Variants in CHL1 observed in about 807,000 individuals in gnomAD.
CHL1 encodes the protein neural cell adhesion molecule L1-like protein.
CHL1 carries 96 observed loss-of-function variants against 141.9 expected under a neutral mutation model. The observed-to-expected ratio is 0.68, with a 90% CI of 0.57 to 0.80. The LOEUF is 0.80. CHL1 is among the 30% of genes least tolerant of loss of function. The pLI is 0.00. For synonymous variants in CHL1, 613 were observed against 502.2 expected, an observed-to-expected ratio of 1.22 and a Z score of -2.95; for missense variants, 1,820 against 1,457.2, an observed-to-expected ratio of 1.25 and a Z score of -4.05.
chr3:272,935 A>G (rs999951993), intron 2 of CHL1, among the ~76,000 whole-genome samples: 4 of 152,178 alleles, frequency 2.6e-5, no homozygotes, highest in African/African-American at 9.7e-5. Context: ...CAGCAAAATC[A>G]ATGAAGAGAT....
At chr3:325,165 A>C (rs534450496) in intron 3 of CHL1, among the ~76,000 whole-genome samples, 6 of 147,214 alleles carry the variant, frequency 4.1e-5, no homozygotes, top group East Asian at 2.2e-4. Flanking sequence ...TTATTACCCA[A>C]AAAAAAAAAG....
chr3:259,458 C>T (rs931286870), intron 2 of CHL1, among the ~76,000 whole-genome samples: 4 of 152,052 alleles, frequency 2.6e-5, no homozygotes, highest in Non-Finnish European at 5.9e-5. Flanking sequence ...AGCTGAGAAG[C>T]TAGGCATCAA....
chr3:275,197 G>A (rs1305513151), intron 2 of CHL1, among the ~76,000 whole-genome samples: 2 of 152,246 alleles, frequency 1.3e-5, no homozygotes, highest in African/African-American at 4.8e-5. Context: ...CAGCTGCTAA[G>A]TGGTAGGGGT....
At chr3:355,413 G>A (rs1297840621) in intron 11 of CHL1, among the ~76,000 whole-genome samples, 1 of 152,192 alleles carries the variant, frequency 6.6e-6, no homozygotes, top group Non-Finnish European at 1.5e-5. Flanking sequence ...CCAGCACTGA[G>A]GGCCAACTCT....
In CHL1 at chr3:339,151, G is replaced by A. The variant is rs185890810; in HGVS notation, c.386-1643G>A. Among the ~76,000 whole-genome samples, 404 of 152,298 alleles carry A rather than the reference G, an allele frequency of 2.7e-3. 1 individual carries two copies. Among genetic ancestry groups the A allele is most frequent in the African/African-American group, 8.4e-3 (348 of 41,556 alleles). ...AACAGCACCACTGACTTCAATGCCAGTGTTTACTGGGCTTAAGTTACAGCG... is the reference window on the plus strand; with the variant it reads ...AACAGCACCACTGACTTCAATGCCAATGTTTACTGGGCTTAAGTTACAGCG... On this transcript the variant is annotated intron_variant, in intron 5 of 27. Coordinates refer to ENST00000256509, the MANE Select transcript of CHL1 (RefSeq NM_006614.4).
chr3:401,801 C>A (rs1709160954), intron 27 of CHL1, 103 bp downstream of exon 27: 3 of 661,130 alleles, frequency 4.5e-6, no homozygotes, highest in Non-Finnish European at 7.5e-6. Flanking sequence ...TACATAACTA[C>A]AATGTAATGA....
intron 19 of CHL1, among the ~76,000 whole-genome samples, chr3:385,962 C>G (rs1428486975): frequency 6.6e-6 from 1 of 151,754 alleles, no homozygotes; most frequent in Non-Finnish European, 1.5e-5. Flanking sequence ...CCCAATATGT[C>G]CCATGGTGTC....
intron 1 of CHL1, among the ~76,000 whole-genome samples, chr3:210,771 G>A (rs1699841359): frequency 6.6e-6 from 1 of 152,176 alleles, no homozygotes; most frequent in African/African-American, 2.4e-5. Context: ...GAAAAAATAT[G>A]GAGCCCTCTG....
chr3:294,204 G>A (rs150530197), intron 2 of CHL1, among the ~76,000 whole-genome samples: 2 of 151,866 alleles, frequency 1.3e-5, no homozygotes, highest in Admixed American at 1.3e-4. Flanking sequence ...CTGCAGTCTC[G>A]GCTACTCAGG....
At chr3:263,734 G>A (rs1008441424) in intron 2 of CHL1, among the ~76,000 whole-genome samples, 7 of 152,084 alleles carry the variant, frequency 4.6e-5, no homozygotes, top group African/African-American at 1.4e-4. Flanking sequence ...CTTACTTTTA[G>A]ATTTTTATAG....
At chr3:300,042 A>G (rs562672948) in intron 2 of CHL1, among the ~76,000 whole-genome samples, 1 of 152,202 alleles carries the variant, frequency 6.6e-6, no homozygotes, top group African/African-American at 2.4e-5. Flanking sequence ...TTACCAATTG[A>G]TGGAAAATGG....
rs35247275 is a variant in CHL1, at chr3:257,353, CTTTTTT to C, written c.-95+12672_-95+12677del. ...CATCTCCTTTTCTTCTTTTCTTCTT[CTTTTTT>C]TTTTTTTTTTGTGAGACAGAGTCTC... On this transcript the variant is annotated intron_variant, in intron 2 of 27. Transcript: ENST00000256509. Among the ~76,000 whole-genome samples the C allele has an allele frequency of 1.3e-3, 183 of 137,152 alleles. 2 individuals carry two copies. The highest frequency in any genetic ancestry group is 4.6e-3 in the African/African-American group (167 of 36,606). 90.0% of individuals were successfully genotyped at this position (137,152 alleles called of 152,430 possible).
chr3:407,508 C>G lies in CHL1; in HGVS notation c.*1797C>G, dbSNP rs1709603828. ...AGGGGGAAGGCAGTGTGGTCCCTAC[C>G]CTGTGTGAATGTGAGGATGTAGACA... is the stretch of plus-strand genomic sequence containing the variant. On this transcript the variant is annotated 3_prime_UTR_variant, in exon 28 of 28. Coordinates refer to ENST00000256509, the MANE Select transcript of CHL1 (RefSeq NM_006614.4). The G allele has an allele frequency of 6.6e-6, 1 of 152,020 alleles. No individual in the cohort carries two copies. Among genetic ancestry groups the G allele is most frequent in the East Asian group, 1.9e-4 (1 of 5,164 alleles). The allele number at this position is 152,020 out of a possible 1,614,324, so 9.4% of individuals were successfully genotyped here.
At chr3:313,983 A>G (rs1249706485) in intron 2 of CHL1, among the ~76,000 whole-genome samples, 2 of 152,332 alleles carry the variant, frequency 1.3e-5, no homozygotes, top group East Asian at 3.9e-4. Context: ...CTAAATATGC[A>G]GAACATACAC....
At chr3:226,014 A>G (rs920481941) in intron 1 of CHL1, among the ~76,000 whole-genome samples, 54 of 147,324 alleles carry the variant, frequency 3.7e-4, no homozygotes, top group Non-Finnish European at 1.0e-4. Context: ...GTCTAAAAAA[A>G]AGAGACACGT....
intron 1 of CHL1, among the ~76,000 whole-genome samples, chr3:231,376 A>G (rs370117400): frequency 3.9e-5 from 6 of 152,206 alleles, no homozygotes; most frequent in African/African-American, 1.4e-4. Context: ...TTCCCCTTGA[A>G]CAGAGTAGAT....
intron 2 of CHL1, among the ~76,000 whole-genome samples, chr3:292,416 G>C (rs1043887940): frequency 3.9e-5 from 6 of 152,164 alleles, no homozygotes; most frequent in Non-Finnish European, 8.8e-5. Context: ...AGGTTTTATA[G>C]TCATTCAGTA....
At chr3:343,058 G>A (rs757517940) in intron 8 of CHL1, 27 bp downstream of exon 8, 1 of 1,581,200 alleles carries the variant, frequency 6.3e-7, no homozygotes, top group Non-Finnish European at 8.6e-7. Flanking sequence ...TGGAGTGTTG[G>A]CATTTGTGTA....
chr3:197,830 G>T (rs1164988681), intron 1 of CHL1: 2 of 456,312 alleles, frequency 4.4e-6, no homozygotes, highest in South Asian at 1.5e-5. Flanking sequence ...TGCCGGTCGC[G>T]GATGGTCCCT....
Sources: gnomAD v4.1 joint callset for allele counts (sites outside exome capture counted in the v4.1 genomes callset) on GRCh38, gnomAD v4.1.1 for gene constraint, MANE v1.5 for transcripts, NCBI Gene and HGNC (gene_info 2026-07-23, HGNC 2026-07-21) for gene names.